Variants in RGS7BP observed in about 807,000 individuals in gnomAD.
RGS7BP encodes regulator of G protein signaling 7-binding protein.
Under a neutral mutation model 31.3 loss-of-function variants are expected in RGS7BP, and 9 were observed. The ratio of observed to expected loss-of-function variants is 0.29; its 90% CI spans 0.17 to 0.50. RGS7BP has a LOEUF of 0.50. Ranked by LOEUF, RGS7BP falls within the 20% of genes least tolerant of loss-of-function variation. The pLI, the probability that RGS7BP is intolerant of heterozygous loss-of-function variation, is 0.98. For missense variants in RGS7BP, 274 were observed against 322.0 expected (o/e 0.85, Z 1.14); for synonymous variants, 115 against 120.1 (o/e 0.96, Z 0.28).
At chr5:64,544,865 G>T (rs76688241) in intron 2 of RGS7BP, among the ~76,000 whole-genome samples, 1 of 152,032 alleles carries the variant, frequency 6.6e-6, no homozygotes. Context: ...CAGGAACCAT[G>T]TTGTAAGACA....
Position 64,547,374 on chromosome 5 carries a change from C to T in RGS7BP, c.333-28400C>T, listed in dbSNP as rs78777015. Among the ~76,000 whole-genome samples, 17 of 152,258 alleles carry T rather than the reference C, an allele frequency of 1.1e-4. No individual in the cohort carries two copies. The East Asian group carries it at 2.1e-3, about 19-fold the overall frequency. On this transcript the variant is annotated intron_variant, in intron 2 of 5. Coordinates refer to ENST00000334025, the MANE Select transcript of RGS7BP (RefSeq NM_001029875.3). ...AAGCAGTGTATGGAAATTCTTCTCA[C>T]CAAAGCTTGGTGTTGTCTGTCTTTT...
At chr5:64,533,628 C>T (rs1189240085) in intron 2 of RGS7BP, among the ~76,000 whole-genome samples, 2 of 152,180 alleles carry the variant, frequency 1.3e-5, no homozygotes, top group Non-Finnish European at 2.9e-5. Flanking sequence ...ACATAAAGAT[C>T]ATCACCTCAT....
chr5:64,506,566 C>G lies in RGS7BP; in HGVS notation c.-59C>G. On this transcript the variant is annotated 5_prime_UTR_variant, in exon 1 of 6. Transcript: ENST00000334025. The surrounding 1 kb of genome is among the most constrained non-coding windows in gnomAD (Gnocchi z 4.6). ...TGGCGGCGGCGCCCAGGGCAACAAC[C>G]GGGCCGCCCGCGCCGGGGCGCACTG... 6.6e-7 allele frequency: 1 copy of G among 1,507,644 alleles called. No homozygotes were observed. 93.4% of individuals were successfully genotyped at this position (1,507,644 alleles called of 1,614,324 possible). A position where few individuals can be genotyped will look rare whatever the true frequency, so the allele number is the denominator to read the frequency against.
At position 64,527,606 on chromosome 5, in the gene RGS7BP, TAAAAAAAAAAAAAAAAAA is replaced by T. The variant is rs59081277; in HGVS notation, c.332+19748_332+19765del. ...TATATTAAAGCATTGCTTATAACAG[TAAAAAAAAAAAAAAAAAA>T]AAAAAAAAAAAAAAAAAAGAGGAAT... On this transcript the variant is annotated intron_variant, in intron 2 of 5. Coordinates refer to ENST00000334025, the MANE Select transcript of RGS7BP (RefSeq NM_001029875.3). Among the ~76,000 whole-genome samples, 217 of 86,488 alleles carry T rather than the reference TAAAAAAAAAAAAAAAAAA, an allele frequency of 2.5e-3. 1 individual carries two copies. The Middle Eastern group carries it at 0.1, about 41-fold the overall frequency. 56.7% of individuals were successfully genotyped at this position (86,488 alleles called of 152,430 possible). A position where few individuals can be genotyped will look rare whatever the true frequency, so the allele number is the denominator to read the frequency against.
intron 2 of RGS7BP, among the ~76,000 whole-genome samples, chr5:64,508,248 G>A (rs1334589669): frequency 6.6e-6 from 1 of 152,070 alleles, no homozygotes; most frequent in African/African-American, 2.4e-5. Flanking sequence ...CAAAAGGCCT[G>A]TGCTGTAGAG....
intron 3 of RGS7BP, among the ~76,000 whole-genome samples, chr5:64,589,226 G>A (rs112216324): frequency 0.13 from 19,984 of 151,872 alleles, 1,718 homozygotes; most frequent in Middle Eastern, 0.34. Flanking sequence ...AACCTGGGAC[G>A]CAGAGGTTGC....
chr5:64,540,785 G>A (rs409749), intron 2 of RGS7BP, among the ~76,000 whole-genome samples: 35,190 of 152,086 alleles, frequency 0.23, 4,877 homozygotes, highest in South Asian at 0.37. Flanking sequence ...ACAGACACTT[G>A]TGAAAGAACA....
At chr5:64,519,650 G>A (rs1427122712) in intron 2 of RGS7BP, among the ~76,000 whole-genome samples, 1 of 152,156 alleles carries the variant, frequency 6.6e-6, no homozygotes, top group African/African-American at 2.4e-5. Context: ...TTGAACCATG[G>A]GGAAAGAGAA....
chr5:64,552,510 G>A (rs1175225714), intron 2 of RGS7BP, among the ~76,000 whole-genome samples: 1 of 152,064 alleles, frequency 6.6e-6, no homozygotes, highest in East Asian at 1.9e-4. Context: ...TCTCAACAAA[G>A]GAGAATTAGA....
chr5:64,526,199 C>T (rs1303644427), intron 2 of RGS7BP, among the ~76,000 whole-genome samples: 2 of 152,306 alleles, frequency 1.3e-5, no homozygotes, highest in East Asian at 3.9e-4. Flanking sequence ...CAAAGGAAAA[C>T]AGGAGGGGCA....
chr5:64,537,885 G>A (rs1160036346), intron 2 of RGS7BP, among the ~76,000 whole-genome samples: 1 of 152,148 alleles, frequency 6.6e-6, no homozygotes, highest in African/African-American at 2.4e-5. Context: ...TTCTCTTAGT[G>A]CTAAAAATCT....
At position 64,584,026 on chromosome 5, in the gene RGS7BP, G is replaced by A. The variant is rs527447725; in HGVS notation, c.463+8122G>A. ...CATGAGGAACTCAAAGCTCAATGAG[G>A]TAAGTTGCCCAAGGTCACATAGCAC... On this transcript the variant is annotated intron_variant, in intron 3 of 5. Coordinates refer to ENST00000334025, the MANE Select transcript of RGS7BP (RefSeq NM_001029875.3). Among the ~76,000 whole-genome samples the A allele has an allele frequency of 4.9e-4, 74 of 152,292 alleles. 1 individual carries two copies. The highest frequency in any genetic ancestry group is 4.1e-3 in the Admixed American group (62 of 15,290).
intron 3 of RGS7BP, among the ~76,000 whole-genome samples, chr5:64,579,642 A>G (rs1347035137): frequency 6.6e-6 from 1 of 152,042 alleles, no homozygotes; most frequent in East Asian, 1.9e-4. Flanking sequence ...AAATATCATT[A>G]AACCAGAGAA....
At chr5:64,524,607 T>C (rs1223533249) in intron 2 of RGS7BP, among the ~76,000 whole-genome samples, 2 of 152,222 alleles carry the variant, frequency 1.3e-5, no homozygotes, top group Non-Finnish European at 2.9e-5. Flanking sequence ...CTAATGCAAT[T>C]GAATTTTTCT....
chr5:64,570,863 GA>G (rs1452480558), intron 2 of RGS7BP, among the ~76,000 whole-genome samples: 3 of 151,974 alleles, frequency 2.0e-5, no homozygotes, highest in Non-Finnish European at 2.9e-5. Context: ...TTATTTTTCT[GA>G]ACCTGCAGAC....
chr5:64,527,834 C>T (rs959009758), intron 2 of RGS7BP, among the ~76,000 whole-genome samples: 34 of 152,186 alleles, frequency 2.2e-4, no homozygotes, highest in African/African-American at 6.7e-4. Context: ...CAAGGATATA[C>T]ACCAAAATCT....
At chr5:64,508,571 C>T (rs1748755642) in intron 2 of RGS7BP, among the ~76,000 whole-genome samples, 1 of 152,158 alleles carries the variant, frequency 6.6e-6, no homozygotes, top group Admixed American at 6.5e-5. Flanking sequence ...ACCCTACCTA[C>T]ACTTTCTTTC....
intron 2 of RGS7BP, among the ~76,000 whole-genome samples, chr5:64,513,957 T>C (rs1357250395): frequency 6.6e-6 from 1 of 152,152 alleles, no homozygotes; most frequent in African/African-American, 2.4e-5. Context: ...ACAAAATAAA[T>C]TTATTGTCTC....
intron 2 of RGS7BP, among the ~76,000 whole-genome samples, chr5:64,521,076 T>C (rs1749096566): frequency 6.6e-6 from 1 of 152,164 alleles, no homozygotes; most frequent in African/African-American, 2.4e-5. Context: ...CCTCATGAGA[T>C]TTCTAGTTTC....
Sources: allele counts gnomAD v4.1 joint callset (sites outside exome capture counted in the v4.1 genomes callset), GRCh38; gene constraint gnomAD v4.1.1; non-coding constraint Gnocchi (gnomAD v3.1); transcripts MANE v1.5; gene names NCBI Gene and HGNC (gene_info 2026-07-23, HGNC 2026-07-21).